Variants in ITIH5 observed in about 807,000 individuals in gnomAD.
ITIH5 encodes the protein inter-alpha-trypsin inhibitor heavy chain 5.
Under a neutral mutation model 77.5 loss-of-function variants are expected in ITIH5, and 65 were observed. The ratio of observed to expected loss-of-function variants is 0.84; its 90% CI spans 0.69 to 1.03. ITIH5 has a LOEUF of 1.03. ITIH5 is among the 50% of genes least tolerant of loss of function. ITIH5 has a pLI of 0.00. For synonymous variants in ITIH5, 525 were observed against 494.3 expected, an observed-to-expected ratio of 1.06 and a Z score of -0.82; for missense variants, 1,208 against 1,213.1, an observed-to-expected ratio of 1.00 and a Z score of 0.06.
Position 7,566,038 on chromosome 10 carries a change from C to T in ITIH5, c.2519G>A (p.Gly840Glu), listed in dbSNP as rs1194440989. ...AGAGCGCAGCTTCCTACCCAGCAGT[C>T]CGTGGCAGTTGCTGGAAAGGCCCTC... The part of the protein sequence containing the change: ...NSEGLSSNCH[G>E]LLGQFLNQDA... The change falls in exon 13 of 14, where the codon GGA becomes GAA. Residue 840 changes from glycine to glutamate, a missense_variant. Gly to Glu is a moderately conservative substitution (Grantham distance 98). Transcript: ENST00000397146. 6.2e-7 allele frequency: 1 copy of T among 1,613,578 alleles called. No individual in the cohort carries two copies. Among genetic ancestry groups the T allele is most frequent in the East Asian group, 2.2e-5 (1 of 44,890 alleles).
chr10:7,569,775 T>A lies in ITIH5; in HGVS notation c.2042A>T (p.Asp681Val), dbSNP rs771312578. The A allele has an allele frequency of 1.2e-6, 2 of 1,603,900 alleles. No homozygotes were observed. The highest frequency in any genetic ancestry group is 2.2e-5 in the South Asian group (2 of 89,208). ...IKISKTSVDG[D>V]PHFVVDFPLS... The stretch of plus-strand genomic sequence containing the variant: ...GGGGAAATCCACAACAAAGTGGGGA[T>A]CACCATCCACTGCCAGAGCAGAAGA... The change falls in exon 12 of 14, where the codon GAT (aspartate) becomes GTT (valine). Residue 681 changes from aspartate to valine, a missense_variant. Asp to Val is a radical substitution (Grantham distance 152). Transcript: ENST00000397146.
chr10:7,598,871 A>T (rs1487820568), intron 7 of ITIH5, among the ~76,000 whole-genome samples: 7 of 152,242 alleles, frequency 4.6e-5, no homozygotes, highest in African/African-American at 1.7e-4. Flanking sequence ...TTTAGATATT[A>T]AAACATTTTT....
intron 1 of ITIH5, among the ~76,000 whole-genome samples, chr10:7,659,549 G>T (rs534174382): frequency 6.6e-6 from 1 of 152,152 alleles, no homozygotes; most frequent in South Asian, 2.1e-4. Flanking sequence ...AGCAGCCTGG[G>T]GACCACTTAA....
intron 1 of ITIH5, among the ~76,000 whole-genome samples, chr10:7,666,197 G>T (rs1297686578): frequency 6.6e-6 from 1 of 151,986 alleles, no homozygotes; most frequent in Admixed American, 6.6e-5. Flanking sequence ...ATATTTGCAG[G>T]TTTTATTCGC....
chr10:7,566,097 C>T lies in ITIH5; in HGVS notation c.2460G>A (p.Gln820=), dbSNP rs763824367. 2.5e-6 allele frequency: 4 copies of T among 1,614,122 alleles called. No individual in the cohort carries two copies. In the South Asian group the frequency reaches 4.4e-5, roughly 18 times the overall value. The change falls in exon 13 of 14, where the codon CAG becomes CAA. Residue 820 remains glutamine (Q), a synonymous_variant. Transcript: ENST00000397146. ...IHLYKKPAPF[Q]RHHLGFYIAN... is the part of the protein sequence containing the mutation. ...CAATGTAGAAACCCAGGTGGTGTCGCTGGAAGGGCGCCGGCTTTTTGTAGA... is the reference window on the plus strand; with the variant it reads ...CAATGTAGAAACCCAGGTGGTGTCGTTGGAAGGGCGCCGGCTTTTTGTAGA...
rs12246629 is a variant in ITIH5, at chr10:7,631,751, C to T, written c.652+5477G>A. ...AACAAGGATCTAAAGTCAGAGTAATCTGAAGGGCCCCATGAAATTGAGAAA... is the reference window on the plus strand; with the variant it reads ...AACAAGGATCTAAAGTCAGAGTAATTTGAAGGGCCCCATGAAATTGAGAAA... On this transcript the variant is annotated intron_variant, in intron 5 of 13. Coordinates refer to ENST00000397146, the MANE Select transcript of ITIH5 (RefSeq NM_030569.7). Among the ~76,000 whole-genome samples the T allele has an allele frequency of 7.9e-5, 12 of 151,308 alleles. 1 individual carries two copies. The highest frequency in any genetic ancestry group is 2.4e-5 in the African/African-American group (1 of 41,180).
rs755556933 is a variant in ITIH5, at chr10:7,637,355, G to C, written c.525C>G (p.Ser175Arg). Residue 175 changes from serine to arginine, a missense_variant, in exon 5 of 14, where the codon AGC becomes AGG. Physicochemically the swap from Ser to Arg is moderately radical, Grantham distance 110. Transcript: ENST00000397146. ...TCCCGGACAGCTGCTGGGGCCGCAC[G>C]CTGATGCTGTGCTCGTACTTGCCCA... ...RRLGKYEHSI[S>R]VRPQQLSGRL... 2.5e-6 allele frequency: 4 copies of C among 1,614,162 alleles called. No homozygotes were observed. The highest frequency in any genetic ancestry group is 3.4e-6 in the Non-Finnish European group (4 of 1,180,016).
intron 5 of ITIH5, among the ~76,000 whole-genome samples, chr10:7,623,082 G>A (rs1833499752): frequency 6.6e-6 from 1 of 152,210 alleles, no homozygotes; most frequent in Non-Finnish European, 1.5e-5. Flanking sequence ...CAACTGCTAT[G>A]TAAAATGCCA....
intron 2 of ITIH5, among the ~76,000 whole-genome samples, chr10:7,650,640 G>T (rs541775613): frequency 5.3e-4 from 81 of 151,836 alleles, no homozygotes; most frequent in Non-Finnish European, 1.1e-3. Flanking sequence ...GGAGGCTAAG[G>T]CAGGAGAATC....
chr10:7,637,437 G>A lies in ITIH5; in HGVS notation c.443C>T (p.Pro148Leu). 1 of 1,613,928 alleles carries A rather than the reference G, an allele frequency of 6.2e-7. No homozygotes were observed. ...GAAAAAGGCGGCTTTGTCCTTGCTG[G>A]GAATCACTGCAGAAGCTCTGAATAT... ...TEIFRASAVI[P>L]SKDKAAFFLS... The change falls in exon 5 of 14, where the codon CCC becomes CTC. Residue 148 changes from proline (P) to leucine (L), a missense_variant. Transcript: ENST00000397146.
intron 7 of ITIH5, among the ~76,000 whole-genome samples, chr10:7,613,050 G>C (rs887347232): frequency 6.6e-6 from 1 of 152,138 alleles, no homozygotes; most frequent in African/African-American, 2.4e-5. Flanking sequence ...TTCGAGACCA[G>C]CCTGGCCAAC....
chr10:7,645,417 C>T (rs115885537), intron 2 of ITIH5, among the ~76,000 whole-genome samples: 2,238 of 152,254 alleles, frequency 0.015, 48 homozygotes, highest in African/African-American at 0.052. Flanking sequence ...TCTCAGACTC[C>T]ATCCAAATCC....
chr10:7,651,518 G>A (rs1834101021), intron 2 of ITIH5, among the ~76,000 whole-genome samples: 1 of 152,112 alleles, frequency 6.6e-6, no homozygotes, highest in African/African-American at 2.4e-5. Context: ...TGAGGCGCAA[G>A]ACTCACTTGA....
intron 5 of ITIH5, among the ~76,000 whole-genome samples, chr10:7,633,833 T>A (rs1262505117): frequency 6.6e-6 from 1 of 152,010 alleles, no homozygotes; most frequent in Non-Finnish European, 1.5e-5. Flanking sequence ...CTCACGCCTG[T>A]AATCCCAGCA....
At chr10:7,615,105 G>A (rs1282326601) in intron 7 of ITIH5, among the ~76,000 whole-genome samples, 3 of 152,236 alleles carry the variant, frequency 2.0e-5, no homozygotes, top group East Asian at 1.9e-4. Context: ...AAATTAGCCA[G>A]GTGTGGTGGA....
At chr10:7,571,097 G>GC (rs1329650376) in intron 11 of ITIH5, among the ~76,000 whole-genome samples, 1 of 152,174 alleles carries the variant, frequency 6.6e-6, no homozygotes, top group East Asian at 1.9e-4. Context: ...CCTGACACGG[G>GC]CCCTTGAGAG....
At chr10:7,568,548 G>A (rs1327705549) in intron 12 of ITIH5, among the ~76,000 whole-genome samples, 1 of 151,756 alleles carries the variant, frequency 6.6e-6, no homozygotes, top group East Asian at 1.9e-4. Flanking sequence ...TGGCTCTGAG[G>A]CTATAAAGTC....
At chr10:7,626,674 C>T (rs10905203) in intron 5 of ITIH5, among the ~76,000 whole-genome samples, 127,886 of 152,208 alleles carry the variant, frequency 0.84, 54,078 homozygotes, top group East Asian at 0.98. Flanking sequence ...TGCCTGGTTA[C>T]GTTTGAATTT....
At chr10:7,665,741 T>G (rs1020108463) in intron 1 of ITIH5, among the ~76,000 whole-genome samples, 4 of 152,222 alleles carry the variant, frequency 2.6e-5, no homozygotes, top group Non-Finnish European at 4.4e-5. Context: ...TTAAAGGGCT[T>G]GCCCGGAACA....
Sources: allele counts gnomAD v4.1 joint callset (sites outside exome capture counted in the v4.1 genomes callset), GRCh38; gene constraint gnomAD v4.1.1; transcripts MANE v1.5; gene names NCBI Gene and HGNC (gene_info 2026-07-23, HGNC 2026-07-21).